NKAIN3: variants seen among roughly 807,000 people sequenced by gnomAD.
NKAIN3 encodes the protein sodium/potassium-transporting ATPase subunit beta-1-interacting protein 3.
Under a neutral mutation model 30.2 loss-of-function variants are expected in NKAIN3, and 25 were observed. The observed-to-expected ratio is 0.83, with a 90% CI of 0.60 to 1.16. The LOEUF (loss-of-function observed/expected upper bound fraction) is 1.16. NKAIN3 is among the 50% of genes most tolerant of loss of function. The pLI is 0.00. For synonymous variants in NKAIN3, 91 were observed against 89.6 expected, an observed-to-expected ratio of 1.02 and a Z score of -0.09; for missense variants, 225 against 254.1, an observed-to-expected ratio of 0.89 and a Z score of 0.78.
intron 4 of NKAIN3, among the ~76,000 whole-genome samples, chr8:62,776,558 CT>C: frequency 6.6e-6 from 1 of 152,212 alleles, no homozygotes; most frequent in East Asian, 1.9e-4. Context: ...ACCAAATAAA[CT>C]AACAAGGAAA....
At chr8:62,499,596 A>G (rs544615080) in intron 1 of NKAIN3, among the ~76,000 whole-genome samples, 1 of 152,318 alleles carries the variant, frequency 6.6e-6, no homozygotes, top group Non-Finnish European at 1.5e-5. Context: ...ATAAAGAGGC[A>G]AAGGAAACAG....
intron 3 of NKAIN3, among the ~76,000 whole-genome samples, chr8:62,695,647 G>T (rs1186686528): frequency 2.0e-5 from 3 of 152,188 alleles, no homozygotes; most frequent in African/African-American, 7.2e-5. Flanking sequence ...AAGCAGGAGG[G>T]AAGCTGAATA....
At chr8:62,949,723 CT>C (rs11345295) in intron 5 of NKAIN3, among the ~76,000 whole-genome samples, 64,656 of 149,056 alleles carry the variant, frequency 0.43, 14,103 homozygotes, top group African/African-American at 0.51. Flanking sequence ...AATTGTGTTG[CT>C]TTTTTTTTTT....
intron 3 of NKAIN3, among the ~76,000 whole-genome samples, chr8:62,687,900 G>A (rs910279811): frequency 6.6e-6 from 1 of 152,108 alleles, no homozygotes; most frequent in African/African-American, 2.4e-5. Flanking sequence ...TCTTCTCCTG[G>A]GGCAACAAGC....
chr8:62,706,580 A>G (rs374636048), intron 3 of NKAIN3, among the ~76,000 whole-genome samples: 2 of 151,944 alleles, frequency 1.3e-5, no homozygotes, highest in African/African-American at 4.8e-5. Flanking sequence ...TGTGGTTTAT[A>G]TTTTTAAGAA....
At chr8:62,962,856 G>A (rs977685663) in intron 6 of NKAIN3, among the ~76,000 whole-genome samples, 7 of 152,080 alleles carry the variant, frequency 4.6e-5, no homozygotes, top group Non-Finnish European at 8.8e-5. Flanking sequence ...TGATGAATGC[G>A]TAGAGATTCA....
At chr8:62,759,531 T>A (rs1332505719) in intron 4 of NKAIN3, among the ~76,000 whole-genome samples, 1 of 152,120 alleles carries the variant, frequency 6.6e-6, no homozygotes, top group East Asian at 1.9e-4. Context: ...AATGTGGAAC[T>A]AGAGAGACTT....
chr8:62,301,056 G>A (rs1355951263), intron 1 of NKAIN3, among the ~76,000 whole-genome samples: 1 of 152,046 alleles, frequency 6.6e-6, no homozygotes, highest in Non-Finnish European at 1.5e-5. Context: ...TACATGAAGA[G>A]ACTGGGCATT....
At chr8:62,694,154 A>G (rs1814078886) in intron 3 of NKAIN3, among the ~76,000 whole-genome samples, 1 of 152,140 alleles carries the variant, frequency 6.6e-6, no homozygotes. Flanking sequence ...TCTTTCTACT[A>G]TACTATCAAC....
Position 62,967,722 on chromosome 8 carries a change from G to A in NKAIN3, c.*2315G>A, listed in dbSNP as rs16929980. ...AAAAAGCTGATAAAACATCAAAACTGTAGAGAGTCAGTAAAAAAGGATAAA... is the reference window on the plus strand; with the variant it reads ...AAAAAGCTGATAAAACATCAAAACTATAGAGAGTCAGTAAAAAAGGATAAA... On this transcript the variant is annotated 3_prime_UTR_variant, in exon 7 of 7. Coordinates refer to ENST00000623646, the MANE Select transcript of NKAIN3 (RefSeq NM_001304533.3). Among the ~76,000 whole-genome samples, 5,390 of 150,968 alleles carry A rather than the reference G, an allele frequency of 0.036. 292 individuals are homozygous for A. The highest frequency in any genetic ancestry group is 0.12 in the African/African-American group (4,894 of 41,228).
At chr8:62,666,890 A>G (rs1367780828) in intron 3 of NKAIN3, among the ~76,000 whole-genome samples, 3 of 152,052 alleles carry the variant, frequency 2.0e-5, no homozygotes, top group Non-Finnish European at 2.9e-5. Context: ...ATCACTGCCA[A>G]TCCTTTCTTT....
chr8:62,264,671 T>C lies in NKAIN3; in HGVS notation c.54+15544T>C, dbSNP rs140083244. 9.1e-4 allele frequency among the ~76,000 whole-genome samples: 138 copies of C among 152,308 alleles called. 3 individuals carry two copies. In the East Asian group the frequency reaches 0.026, roughly 29 times the overall value. ...CTACAGCTACTGCTTATGCTCTATGTCAAGCTCTTACTACTGAGAAAGATA... is the reference window on the plus strand; with the variant it reads ...CTACAGCTACTGCTTATGCTCTATGCCAAGCTCTTACTACTGAGAAAGATA... On this transcript the variant is annotated intron_variant, in intron 1 of 6. Transcript: ENST00000623646.
intron 1 of NKAIN3, among the ~76,000 whole-genome samples, chr8:62,287,024 G>C (rs1053396823): frequency 1.3e-5 from 2 of 151,050 alleles, no homozygotes; most frequent in African/African-American, 4.9e-5. Context: ...GAAATCCCTG[G>C]ATTATTCCCT....
At chr8:62,902,121 A>G (rs191667014) in intron 4 of NKAIN3, among the ~76,000 whole-genome samples, 7 of 152,242 alleles carry the variant, frequency 4.6e-5, no homozygotes, top group East Asian at 3.9e-4. Flanking sequence ...TCAGCTCTCA[A>G]TGCATACAAC....
rs144988499 is a variant in NKAIN3, at chr8:62,449,863, C to T, written c.55-129676C>T. On this transcript the variant is annotated intron_variant, in intron 1 of 6. Transcript: ENST00000623646. ...ATATGGTCCTTCATTCCTGGGATTA[C>T]GATCAGTCAACCATGGTTATAAATG... Among the ~76,000 whole-genome samples the T allele has an allele frequency of 1.2e-3, 184 of 152,100 alleles. 3 individuals carry two copies. The highest frequency in any genetic ancestry group is 7.9e-3 in the South Asian group (38 of 4,814).
chr8:62,528,277 T>C (rs1808370292), intron 1 of NKAIN3, among the ~76,000 whole-genome samples: 1 of 135,632 alleles, frequency 7.4e-6, no homozygotes. Flanking sequence ...CCTACCTATT[T>C]GGTATTGTGA....
At chr8:62,792,591 G>A (rs1563563874) in intron 4 of NKAIN3, among the ~76,000 whole-genome samples, 2 of 152,358 alleles carry the variant, frequency 1.3e-5, no homozygotes, top group East Asian at 3.9e-4. Context: ...CTGTAGGTAA[G>A]ACAGACCTTC....
rs553270141 is a variant in NKAIN3 at position 62,983,621 on chromosome 8, G to C, written c.*18214G>C. ...AATTTGCCCTCTGCAACCAACACCT[G>C]TTCGTGCTATGAGACTGAAGTCCTC... On this transcript the variant is annotated 3_prime_UTR_variant, in exon 7 of 7. Transcript: ENST00000623646. 3.9e-5 allele frequency: 6 copies of C among 152,302 alleles called. No individual in the cohort carries two copies. The highest frequency in any genetic ancestry group is 1.4e-4 in the African/African-American group (6 of 41,558). 9.4% of individuals were successfully genotyped at this position (152,302 alleles called of 1,614,324 possible).
chr8:62,766,588 A>T (rs1451282461), intron 4 of NKAIN3, among the ~76,000 whole-genome samples: 1 of 152,102 alleles, frequency 6.6e-6, no homozygotes, highest in Non-Finnish European at 1.5e-5. Context: ...CAGATCATTG[A>T]TGTAGGAGGT....
Sources: allele counts gnomAD v4.1 joint callset (sites outside exome capture counted in the v4.1 genomes callset), GRCh38; gene constraint gnomAD v4.1.1; transcripts MANE v1.5; gene names NCBI Gene and HGNC (gene_info 2026-07-23, HGNC 2026-07-21).